DCDC1: variants seen among roughly 807,000 people sequenced by gnomAD.
DCDC1 encodes the protein doublecortin domain containing 1.
DCDC1 carries 200 observed loss-of-function variants against 178.3 expected under a neutral mutation model. That is an observed-to-expected ratio of 1.12 (90% CI 1.00 to 1.26). The LOEUF (loss-of-function observed/expected upper bound fraction) is 1.26. DCDC1 is among the 50% of genes most tolerant of loss of function. The probability of loss-of-function intolerance (pLI) is 0.00; values close to 1 mark genes in which losing one functional copy is unlikely to be tolerated. For missense variants in DCDC1, 1,983 were observed against 1,749.2 expected, an observed-to-expected ratio of 1.13 and a Z score of -2.38; for synonymous variants, 690 against 604.8, an observed-to-expected ratio of 1.14 and a Z score of -2.07.
Position 31,157,372 on chromosome 11 carries a change from A to AAT in DCDC1, c.1222-19590_1222-19589dup, listed in dbSNP as rs1555090401. Among the ~76,000 whole-genome samples, 151 of 96,770 alleles carry AAT rather than the reference A, an allele frequency of 1.6e-3. 7 individuals carry two copies. In the Middle Eastern group the frequency reaches 0.019, roughly 12 times the overall value. The allele number at this position is 96,770 out of a possible 152,430, so 63.5% of individuals were successfully genotyped here. On this transcript the variant is annotated intron_variant, in intron 9 of 38. Coordinates refer to ENST00000684477, the MANE Select transcript of DCDC1 (RefSeq NM_001387274.1). ...CCCTTTCTCAAAAAAAAAAAAAAAA[A>AAT]ATATATATATATATACATATATATA...
intron 21 of DCDC1, among the ~76,000 whole-genome samples, chr11:30,937,759 T>G (rs933008945): frequency 4.6e-5 from 7 of 152,150 alleles, no homozygotes; most frequent in African/African-American, 1.4e-4. Flanking sequence ...CTTCCTTATG[T>G]AGCTCCCCAA....
At chr11:31,190,557 C>T (rs1281828730) in intron 9 of DCDC1, among the ~76,000 whole-genome samples, 3 of 152,062 alleles carry the variant, frequency 2.0e-5, no homozygotes, top group Non-Finnish European at 1.5e-5. Context: ...TGACACTGAA[C>T]ATCTTGCTTC....
intron 11 of DCDC1, among the ~76,000 whole-genome samples, chr11:31,126,559 T>C (rs1961647833): frequency 6.6e-6 from 1 of 152,160 alleles, no homozygotes; most frequent in Admixed American, 6.6e-5. Flanking sequence ...TAAAACAATA[T>C]TAAGAAAGAG....
intron 20 of DCDC1, among the ~76,000 whole-genome samples, chr11:30,978,073 A>C (rs905832949): frequency 5.9e-5 from 9 of 152,252 alleles, no homozygotes; most frequent in African/African-American, 2.2e-4. Flanking sequence ...CAGTAGGCCA[A>C]TACCTACAGA....
intron 17 of DCDC1, among the ~76,000 whole-genome samples, chr11:31,090,990 T>G (rs1169020597): frequency 6.6e-6 from 1 of 152,196 alleles, no homozygotes; most frequent in South Asian, 2.1e-4. Flanking sequence ...AGCCAGCATT[T>G]TTTGGTCTCT....
chr11:31,127,470 T>C lies in DCDC1; in HGVS notation c.1484A>G (p.Lys495Arg). The part of the protein sequence containing the change: ...NTLVPGGLQL[K>R]VFENGKNTGE... ...TGAGAGGCACAGAACGACACCCACC[T>C]TAAGCTGCAGGCCTCCTGGGACAAG... The change falls in exon 11 of 39, where the codon AAG (lysine) becomes AGG (arginine). Residue 495 changes from lysine (K) to arginine (R), a missense_variant and splice_region_variant. Transcript: ENST00000684477. 1 of 702,280 alleles carries C rather than the reference T, an allele frequency of 1.4e-6. No individual in the cohort carries two copies. Among genetic ancestry groups the C allele is most frequent in the Non-Finnish European group, 2.6e-6 (1 of 384,532 alleles). The allele number at this position is 702,280 out of a possible 1,614,324, so 43.5% of individuals were successfully genotyped here.
chr11:30,873,525 A>C (rs961154411), intron 38 of DCDC1, among the ~76,000 whole-genome samples: 2 of 152,000 alleles, frequency 1.3e-5, no homozygotes, highest in Non-Finnish European at 2.9e-5. Context: ...CTGGCAAGAG[A>C]ACTATCTTGA....
intron 20 of DCDC1, among the ~76,000 whole-genome samples, chr11:31,019,612 T>C (rs573356745): frequency 9.9e-5 from 15 of 152,278 alleles, no homozygotes; most frequent in African/African-American, 3.1e-4. Flanking sequence ...CATGATAGAA[T>C]AGCATAACTG....
At chr11:31,361,545 G>A (rs930340441) in intron 1 of DCDC1, among the ~76,000 whole-genome samples, 1 of 152,042 alleles carries the variant, frequency 6.6e-6, no homozygotes, top group Non-Finnish European at 1.5e-5. Flanking sequence ...GCAGTGGTGT[G>A]ATCTCAACTC....
rs141164146 is a variant in DCDC1 at position 30,872,050 on chromosome 11, T to TTA, written c.*40+6492_*40+6493dup. Among the ~76,000 whole-genome samples, 1,225 of 150,946 alleles carry TTA rather than the reference T, an allele frequency of 8.1e-3. 18 individuals carry two copies. The highest frequency in any genetic ancestry group is 0.027 in the African/African-American group (1,122 of 41,224). On this transcript the variant is annotated intron_variant, in intron 38 of 38. Coordinates refer to ENST00000684477, the MANE Select transcript of DCDC1 (RefSeq NM_001387274.1). ...TTCAAGTTATATATATAAAGTGCAC[T>TTA]TATATATATATATAATCTCCCAACT...
chr11:31,045,710 C>T (rs1447670120), intron 20 of DCDC1, among the ~76,000 whole-genome samples: 2 of 151,978 alleles, frequency 1.3e-5, no homozygotes, highest in South Asian at 2.1e-4. Flanking sequence ...GTATCGAACC[C>T]GCCTAGATAA....
chr11:30,878,197 A>G (rs989547913), intron 38 of DCDC1, among the ~76,000 whole-genome samples: 1 of 152,148 alleles, frequency 6.6e-6, no homozygotes, highest in African/African-American at 2.4e-5. Context: ...TCATGCCTAC[A>G]ATCCCAGCAC....
intron 9 of DCDC1, among the ~76,000 whole-genome samples, chr11:31,220,852 C>T (rs1244074372): frequency 2.0e-5 from 3 of 152,200 alleles, no homozygotes; most frequent in South Asian, 2.1e-4. Context: ...CAAGTTCTTT[C>T]GAGGGGTCTC....
chr11:31,306,377 A>T lies in DCDC1; in HGVS notation c.446T>A (p.Phe149Tyr). The T allele has an allele frequency of 6.2e-7, 1 of 1,606,136 alleles. No individual in the cohort carries two copies. Among genetic ancestry groups the T allele is most frequent in the Non-Finnish European group, 8.5e-7 (1 of 1,177,034 alleles). Residue 149 changes from phenylalanine (F) to tyrosine (Y), a missense_variant, in exon 5 of 39, where the codon TTC becomes TAC. Physicochemically the swap from Phe to Tyr is conservative, Grantham distance 22 (BLOSUM62 3). Coordinates refer to ENST00000684477, the MANE Select transcript of DCDC1 (RefSeq NM_001387274.1). ...APVGQLRVAE[F>Y]SSLKFQSARN... Reference sequence around the variant, plus strand: ...GGCTGACTGAAATTTTAAAGAAGAGAACTCTGCAACCCTGAAGAAAAAGAA... The same window carrying T: ...GGCTGACTGAAATTTTAAAGAAGAGTACTCTGCAACCCTGAAGAAAAAGAA...
At chr11:31,292,908 G>A (rs1389652149) in intron 6 of DCDC1, among the ~76,000 whole-genome samples, 1 of 151,948 alleles carries the variant, frequency 6.6e-6, no homozygotes, top group Non-Finnish European at 1.5e-5. Flanking sequence ...AGTGTAATGG[G>A]AGTTTACCCA....
At chr11:31,221,494 T>C (rs1178765855) in intron 9 of DCDC1, among the ~76,000 whole-genome samples, 1 of 152,222 alleles carries the variant, frequency 6.6e-6, no homozygotes, top group East Asian at 1.9e-4. Context: ...GGGGTGGTAG[T>C]GACCTTCCCC....
intron 7 of DCDC1, among the ~76,000 whole-genome samples, chr11:31,278,726 T>C (rs903400469): frequency 5.3e-5 from 8 of 152,138 alleles, no homozygotes; most frequent in Non-Finnish European, 1.0e-4. Flanking sequence ...ATCAGCTTGG[T>C]TTCTCCATTC....
At chr11:31,305,873 C>A in intron 5 of DCDC1, 96 bp from the exon 6 acceptor site, 3 of 1,367,604 alleles carry the variant, frequency 2.2e-6, no homozygotes, top group Non-Finnish European at 2.9e-6. Context: ...AAATAGAAAC[C>A]CAATTGAGTC....
At chr11:31,189,257 C>G (rs1275109652) in intron 9 of DCDC1, among the ~76,000 whole-genome samples, 1 of 152,126 alleles carries the variant, frequency 6.6e-6, no homozygotes, top group Admixed American at 6.5e-5. Flanking sequence ...GCTATTACAT[C>G]ACTCCAAAGG....
Sources: gnomAD v4.1 joint callset for allele counts (sites outside exome capture counted in the v4.1 genomes callset) on GRCh38, gnomAD v4.1.1 for gene constraint, MANE v1.5 for transcripts, NCBI Gene and HGNC (gene_info 2026-07-23, HGNC 2026-07-21) for gene names.